Variants in ANKRD36C observed in about 807,000 individuals in gnomAD.
The protein encoded by ANKRD36C is ankyrin repeat domain 36C, also known as ankyrin repeat domain-containing protein 36C.
A neutral mutation model predicts 276.4 loss-of-function variants in ANKRD36C; 61 were observed. The observed-to-expected ratio is 0.22, with a 90% CI of 0.18 to 0.27. The LOEUF is 0.27. ANKRD36C is among the 10% of genes least tolerant of loss of function. ANKRD36C has a pLI of 1.00. For missense variants in ANKRD36C, 1,447 were observed against 2,032.3 expected (o/e 0.71, Z 5.54); for synonymous variants, 483 against 680.1 (o/e 0.71, Z 4.51).
At chr2:95,880,366 G>A (rs1395606947) in intron 58 of ANKRD36C, 61 bp downstream of exon 78, 2 of 1,157,698 alleles carry the variant, frequency 1.7e-6, no homozygotes, top group Non-Finnish European at 2.5e-6. Flanking sequence ...GAAAGACTAT[G>A]AGCATTACAA....
chr2:95,894,625 T>C (rs1676482622), intron 44 of ANKRD36C, among the ~76,000 whole-genome samples: 1 of 151,428 alleles, frequency 6.6e-6, no homozygotes, highest in South Asian at 2.1e-4. Context: ...ATTAAACAGC[T>C]ATTTTATACA....
intron 48 of ANKRD36C, among the ~76,000 whole-genome samples, chr2:95,888,628 G>A (rs931514213): frequency 3.3e-5 from 5 of 151,726 alleles, no homozygotes; most frequent in Admixed American, 6.6e-5. Context: ...TTCAGTGGAA[G>A]TGTCCTAAAT....
rs544358611 is a variant in ANKRD36C, at chr2:95,920,579, G to A, written c.2245+1028C>T. 4.0e-4 allele frequency among the ~76,000 whole-genome samples: 53 copies of A among 132,100 alleles called. 14 individuals are homozygous for A. Among genetic ancestry groups the A allele is most frequent in the Middle Eastern group, 6.8e-3 (2 of 292 alleles). The allele number at this position is 132,100 out of a possible 152,430, so 86.7% of individuals were successfully genotyped here. A position where few individuals can be genotyped will look rare whatever the true frequency, so the allele number is the denominator to read the frequency against. On this transcript the variant is annotated intron_variant, in intron 34 of 66. Transcript: ENST00000456556. ...TCTGAAACTTTCTTCATCATGTCATGGCACCAAAGGATAATATATTAGCCT... is the reference window on the plus strand; with the variant it reads ...TCTGAAACTTTCTTCATCATGTCATAGCACCAAAGGATAATATATTAGCCT...
Position 95,887,915 on chromosome 2 carries a change from G to A in ANKRD36C, c.3061+10C>T, listed in dbSNP as rs755906665. The A allele has an allele frequency of 1.5e-5, 23 of 1,577,240 alleles. No individual in the cohort carries two copies. In the Admixed American group the frequency reaches 4.2e-4, roughly 29 times the overall value. On this transcript the variant is annotated intron_variant, in intron 50 of 66. Coordinates refer to ENST00000456556, the Ensembl canonical transcript of ANKRD36C. ...CTGAACATGACATTAAATGTGTTTTGTGAAATTACCTGTTCCAGATTGTTG... is the reference window on the plus strand; with the variant it reads ...CTGAACATGACATTAAATGTGTTTTATGAAATTACCTGTTCCAGATTGTTG...
rs1397387677 is a variant in ANKRD36C, at chr2:95,884,383, G to C, written c.3164-15C>G. 5 of 1,610,592 alleles carry C rather than the reference G, an allele frequency of 3.1e-6. No individual in the cohort carries two copies. The highest frequency in any genetic ancestry group is 1.1e-5 in the South Asian group (1 of 90,940). On this transcript the variant is annotated splice_polypyrimidine_tract_variant and intron_variant, in intron 52 of 66. Transcript: ENST00000456556. The stretch of plus-strand genomic sequence containing the variant: ...CTGAGAAGACACTGAAAAGCAAAAG[G>C]GATACATAATCACCCACATGCACGT...
intron 6 of ANKRD36C, among the ~76,000 whole-genome samples, chr2:95,968,690 A>G (rs908698736): frequency 3.9e-5 from 6 of 152,108 alleles, no homozygotes; most frequent in African/African-American, 1.4e-4. Flanking sequence ...CTACTTGGGG[A>G]TTGTGTCAGA....
intron 13 of ANKRD36C, 26 bp downstream of exon 13, chr2:95,956,760 A>G (rs778578273): frequency 7.9e-5 from 121 of 1,531,296 alleles, no homozygotes; most frequent in Non-Finnish European, 1.0e-4. Context: ...TTAACATATC[A>G]CTTTAAAAAA....
At chr2:95,967,188 T>A (rs1452964862) in intron 6 of ANKRD36C, among the ~76,000 whole-genome samples, 1 of 152,156 alleles carries the variant, frequency 6.6e-6, no homozygotes, top group Non-Finnish European at 1.5e-5. Context: ...CTTCCAATAC[T>A]ATGATCAGAG....
intron 6 of ANKRD36C, among the ~76,000 whole-genome samples, chr2:95,969,661 A>C (rs945117278): frequency 3.3e-5 from 5 of 152,178 alleles, no homozygotes; most frequent in African/African-American, 1.2e-4. Context: ...CTTCTTTCTG[A>C]CATATAGTCA....
intron 44 of ANKRD36C, among the ~76,000 whole-genome samples, chr2:95,896,067 C>T (rs1417387602): frequency 6.8e-6 from 1 of 147,868 alleles, no homozygotes; most frequent in Non-Finnish European, 1.5e-5. Context: ...GATGACACTC[C>T]AGCTGAACGT....
At chr2:95,930,807 CA>C (rs550454971) in intron 24 of ANKRD36C, among the ~76,000 whole-genome samples, 3,724 of 150,036 alleles carry the variant, frequency 0.025, 159 homozygotes, top group African/African-American at 0.087. Flanking sequence ...ACTACCTCAG[CA>C]AACACAGCTT....
intron 61 of ANKRD36C, among the ~76,000 whole-genome samples, chr2:95,858,399 A>G (rs1264712143): frequency 1.3e-5 from 2 of 152,204 alleles, no homozygotes; most frequent in Non-Finnish European, 2.9e-5. Flanking sequence ...TCTCATCCAA[A>G]GGGCATGTAT....
Position 95,916,135 on chromosome 2 carries a change from T to C in ANKRD36C, c.2376+8A>G. On this transcript the variant is annotated splice_region_variant and intron_variant, in intron 37 of 66. Transcript: ENST00000456556. ...ACTAGCTCACAATATAAATGAGAGT[T>C]TCATTACCTTCAAGGCTGGTTTTTT... 1 of 1,605,424 alleles carries C rather than the reference T, an allele frequency of 6.2e-7. No homozygotes were observed. Among genetic ancestry groups the C allele is most frequent in the Non-Finnish European group, 8.5e-7 (1 of 1,177,982 alleles).
intron 42 of ANKRD36C, among the ~76,000 whole-genome samples, chr2:95,903,595 T>C (rs1195163391): frequency 2.0e-5 from 3 of 151,388 alleles, no homozygotes; most frequent in African/African-American, 7.3e-5. Flanking sequence ...AGTGGAAGTG[T>C]GCTAAATTAA....
intron 36 of ANKRD36C, among the ~76,000 whole-genome samples, chr2:95,917,636 C>T (rs1165527309): frequency 4.0e-5 from 6 of 151,482 alleles, no homozygotes; most frequent in African/African-American, 7.3e-5. Context: ...CCAATTTCAA[C>T]GTGGGGAAGT....
intron 40 of ANKRD36C, 75 bp from the exon 43 acceptor site, chr2:95,912,510 G>A (rs1015729804): frequency 6.3e-7 from 1 of 1,594,658 alleles, no homozygotes; most frequent in African/African-American, 1.3e-5. Context: ...CACAGTGTTA[G>A]CATCAACCTC....
chr2:95,875,234 T>A (rs1675915911), intron 59 of ANKRD36C, among the ~76,000 whole-genome samples: 1 of 152,088 alleles, frequency 6.6e-6, no homozygotes, highest in Admixed American at 6.5e-5. Flanking sequence ...TGCACACGTA[T>A]GTTTATTGCG....
At chr2:95,906,386 A>T (rs1443011496) in intron 42 of ANKRD36C, among the ~76,000 whole-genome samples, 3 of 119,176 alleles carry the variant, frequency 2.5e-5, no homozygotes, top group Non-Finnish European at 3.6e-5. Context: ...AGAGCCCCTT[A>T]TGTCTTCAAC....
intron 32 of ANKRD36C, 148 bp downstream of exon 32, chr2:95,923,347 C>T: frequency 9.3e-7 from 1 of 1,071,732 alleles, no homozygotes; most frequent in Non-Finnish European, 1.3e-6. Flanking sequence ...GCATCAGCGT[C>T]ACCCGAGAAC....
Sources: gnomAD v4.1 joint callset for allele counts (sites outside exome capture counted in the v4.1 genomes callset) on GRCh38, gnomAD v4.1.1 for gene constraint, MANE v1.5 for transcripts, NCBI Gene and HGNC (gene_info 2026-07-23, HGNC 2026-07-21) for gene names.